ATRNL1: variants seen among roughly 807,000 people sequenced by gnomAD.
ATRNL1 encodes attractin like 1, also known as attractin-like protein 1.
A neutral mutation model predicts 182.7 loss-of-function variants in ATRNL1; 95 were observed. The ratio of observed to expected loss-of-function variants is 0.52; its 90% CI spans 0.44 to 0.62. ATRNL1 has a LOEUF of 0.62. ATRNL1 is among the 20% of genes least tolerant of loss of function. The probability of loss-of-function intolerance (pLI) is 0.00; values close to 1 mark genes in which losing one functional copy is unlikely to be tolerated. For synonymous variants in ATRNL1, 576 were observed against 568.3 expected, an observed-to-expected ratio of 1.01 and a Z score of -0.19; for missense variants, 1,471 against 1,679.5, an observed-to-expected ratio of 0.88 and a Z score of 2.17.
intron 27 of ATRNL1, among the ~76,000 whole-genome samples, chr10:115,836,774 A>G (rs1210760938): frequency 1.3e-5 from 2 of 152,176 alleles, no homozygotes; most frequent in Non-Finnish European, 2.9e-5. Flanking sequence ...ATAAACATGA[A>G]CTTTTAGAAG....
chr10:115,629,690 A>C (rs1255708163), intron 26 of ATRNL1, among the ~76,000 whole-genome samples: 3 of 152,128 alleles, frequency 2.0e-5, no homozygotes, highest in African/African-American at 7.2e-5. Context: ...CATTAGTTGA[A>C]CCAACTCGGA....
chr10:115,294,596 G>A (rs1429803697), intron 15 of ATRNL1, among the ~76,000 whole-genome samples: 1 of 152,130 alleles, frequency 6.6e-6, no homozygotes, highest in Non-Finnish European at 1.5e-5. Context: ...GTTTACTTAT[G>A]TTGGGTTCTA....
intron 27 of ATRNL1, among the ~76,000 whole-genome samples, chr10:115,834,941 T>A (rs1488186772): frequency 6.6e-6 from 1 of 152,206 alleles, no homozygotes; most frequent in Non-Finnish European, 1.5e-5. Context: ...AACCTTTTAA[T>A]CTTGCTAATA....
intron 16 of ATRNL1, among the ~76,000 whole-genome samples, chr10:115,300,765 A>G (rs1853429929): frequency 6.6e-6 from 1 of 152,226 alleles, no homozygotes; most frequent in African/African-American, 2.4e-5. Flanking sequence ...TTGTAAATGT[A>G]TTTTAATGCC....
At chr10:115,546,207 C>T (rs1467804209) in intron 25 of ATRNL1, among the ~76,000 whole-genome samples, 2 of 152,030 alleles carry the variant, frequency 1.3e-5, no homozygotes, top group African/African-American at 4.8e-5. Context: ...GATGGTCTGA[C>T]TGAAATTCAG....
At chr10:115,113,098 T>G (rs1844328071) in intron 1 of ATRNL1, among the ~76,000 whole-genome samples, 1 of 152,158 alleles carries the variant, frequency 6.6e-6, no homozygotes, top group African/African-American at 2.4e-5. Flanking sequence ...TAGAAGGGGT[T>G]CAATCAAAGC....
intron 26 of ATRNL1, among the ~76,000 whole-genome samples, chr10:115,574,447 A>G (rs1248210789): frequency 1.3e-5 from 2 of 152,000 alleles, no homozygotes; most frequent in South Asian, 2.1e-4. Context: ...AATTCCTTCA[A>G]ATTTACTTCA....
At chr10:115,644,787 A>G (rs1236800289) in intron 26 of ATRNL1, among the ~76,000 whole-genome samples, 3 of 152,144 alleles carry the variant, frequency 2.0e-5, no homozygotes, top group African/African-American at 7.2e-5. Flanking sequence ...TAATTATAAA[A>G]CTACATATAA....
intron 27 of ATRNL1, among the ~76,000 whole-genome samples, chr10:115,816,615 G>GACACAC (rs35920402): frequency 5.3e-5 from 8 of 150,140 alleles, no homozygotes; most frequent in African/African-American, 1.7e-4. Context: ...GACACACACA[G>GACACAC]ACACACACAC....
intron 22 of ATRNL1, 74 bp downstream of exon 22, chr10:115,462,109 C>A: frequency 9.4e-7 from 1 of 1,058,978 alleles, no homozygotes; most frequent in Non-Finnish European, 1.4e-6. Flanking sequence ...TTTGATTTTA[C>A]CTCTTCTCAG....
At chr10:115,746,994 A>C (rs1948310946) in intron 27 of ATRNL1, among the ~76,000 whole-genome samples, 1 of 152,120 alleles carries the variant, frequency 6.6e-6, no homozygotes. Flanking sequence ...CACTCTTCAC[A>C]AGACATTCCA....
chr10:115,835,950 G>T (rs1246422167), intron 27 of ATRNL1, among the ~76,000 whole-genome samples: 2 of 152,004 alleles, frequency 1.3e-5, no homozygotes, highest in African/African-American at 4.8e-5. Flanking sequence ...GCCACATTCT[G>T]CTCTGTCCCC....
chr10:115,544,160 A>T (rs1465919556), intron 25 of ATRNL1, among the ~76,000 whole-genome samples: 3 of 152,180 alleles, frequency 2.0e-5, no homozygotes, highest in Non-Finnish European at 4.4e-5. Context: ...ATTAAAACAT[A>T]CTAGTGTTCA....
chr10:115,488,930 G>T lies in ATRNL1; in HGVS notation c.3654+19601G>T, dbSNP rs934984896. On this transcript the variant is annotated intron_variant, in intron 24 of 28. Transcript: ENST00000355044. ...AGAGATTCTGGTATGTTGTGTCTTT[G>T]TTCTCATTGGTTTCAAAGACCATCT... Among the ~76,000 whole-genome samples the T allele has an allele frequency of 4.9e-4, 75 of 152,038 alleles. 1 individual carries two copies. The highest frequency in any genetic ancestry group is 1.8e-3 in the African/African-American group (74 of 41,382).
chr10:115,502,051 T>G (rs1431364148), intron 24 of ATRNL1, among the ~76,000 whole-genome samples: 1 of 152,174 alleles, frequency 6.6e-6, no homozygotes, highest in Non-Finnish European at 1.5e-5. Flanking sequence ...AAGACACAAT[T>G]AAGTAAATTT....
intron 28 of ATRNL1, among the ~76,000 whole-genome samples, chr10:115,886,346 C>G (rs1033880918): frequency 6.6e-6 from 1 of 152,168 alleles, no homozygotes; most frequent in African/African-American, 2.4e-5. Context: ...GAAACCCCGT[C>G]TCTACTAAAA....
intron 8 of ATRNL1, among the ~76,000 whole-genome samples, chr10:115,195,684 C>T (rs527278165): frequency 5.9e-5 from 9 of 152,174 alleles, no homozygotes; most frequent in African/African-American, 2.2e-4. Context: ...GGAAAGTTCT[C>T]AGTTATTATT....
At chr10:115,124,648 G>A (rs1451218040) in intron 3 of ATRNL1, among the ~76,000 whole-genome samples, 1 of 152,136 alleles carries the variant, frequency 6.6e-6, no homozygotes, top group African/African-American at 2.4e-5. Context: ...TAATCACATG[G>A]TTAGTGTTTC....
intron 26 of ATRNL1, among the ~76,000 whole-genome samples, chr10:115,662,461 T>G (rs10160074): frequency 0.012 from 1,774 of 152,188 alleles, 36 homozygotes; most frequent in African/African-American, 0.04. Context: ...CCATTACTGG[T>G]TATATACCCA....
Sources: allele counts gnomAD v4.1 joint callset (sites outside exome capture counted in the v4.1 genomes callset), GRCh38; gene constraint gnomAD v4.1.1; transcripts MANE v1.5; gene names NCBI Gene and HGNC (gene_info 2026-07-23, HGNC 2026-07-21).